The following CNTNAP2 variants were observed in gnomAD, a reference collection of about 807,000 sequenced individuals.
The protein encoded by CNTNAP2 is contactin-associated protein-like 2.
A neutral mutation model predicts 155.2 loss-of-function variants in CNTNAP2; 98 were observed. The observed-to-expected ratio is 0.63, with a 90% CI of 0.54 to 0.75. CNTNAP2 has a LOEUF of 0.75. CNTNAP2 is among the 30% of genes least tolerant of loss of function. The pLI is 0.00. For synonymous variants in CNTNAP2, 651 were observed against 631.2 expected (o/e 1.03, Z -0.47); for missense variants, 1,727 against 1,688.1 (o/e 1.02, Z -0.40).
At chr7:146,916,705 T>C (rs1465955469) in intron 3 of CNTNAP2, among the ~76,000 whole-genome samples, 1 of 152,284 alleles carries the variant, frequency 6.6e-6, no homozygotes, top group East Asian at 1.9e-4. Context: ...GGATCTTTTC[T>C]CTTCTTTTTT....
At chr7:146,402,486 G>T (rs1011692934) in intron 1 of CNTNAP2, among the ~76,000 whole-genome samples, 2 of 151,992 alleles carry the variant, frequency 1.3e-5, no homozygotes, top group African/African-American at 4.8e-5. Flanking sequence ...AAACCATAAG[G>T]ATAGCTTAAT....
At chr7:147,509,599 G>T (rs1798979544) in intron 11 of CNTNAP2, among the ~76,000 whole-genome samples, 1 of 151,928 alleles carries the variant, frequency 6.6e-6, no homozygotes, top group Non-Finnish European at 1.5e-5. Context: ...AAATTTTTTG[G>T]TATCACTGAG....
intron 1 of CNTNAP2, among the ~76,000 whole-genome samples, chr7:146,263,559 A>C (rs1446459169): frequency 2.6e-5 from 4 of 152,168 alleles, no homozygotes; most frequent in Admixed American, 1.3e-4. Context: ...TTGAAATGAT[A>C]ATTTGTAAAG....
intron 8 of CNTNAP2, among the ~76,000 whole-genome samples, chr7:147,176,796 TTATAA>T (rs1313640093): frequency 8.1e-5 from 10 of 123,938 alleles, no homozygotes; most frequent in Admixed American, 1.9e-4. Context: ...TAATTATATA[TTATAA>T]TATATAATAG....
At chr7:148,236,498 A>G (rs975956342) in intron 20 of CNTNAP2, among the ~76,000 whole-genome samples, 1 of 152,194 alleles carries the variant, frequency 6.6e-6, no homozygotes, top group Admixed American at 6.5e-5. Context: ...GCTCCATGAC[A>G]TGAGGAGCAA....
At chr7:146,959,425 A>T (rs545016568) in intron 3 of CNTNAP2, among the ~76,000 whole-genome samples, 10 of 151,824 alleles carry the variant, frequency 6.6e-5, no homozygotes, top group African/African-American at 9.7e-5. Context: ...TATTTTTTTT[A>T]AAAAAGAAAG....
intron 13 of CNTNAP2, among the ~76,000 whole-genome samples, chr7:147,820,882 T>C (rs1174629703): frequency 6.6e-6 from 1 of 152,176 alleles, no homozygotes; most frequent in East Asian, 1.9e-4. Context: ...CCTATGTTTA[T>C]GGCAGTGTTA....
chr7:146,833,289 TG>T (rs1803550830), intron 2 of CNTNAP2, among the ~76,000 whole-genome samples: 1 of 152,178 alleles, frequency 6.6e-6, no homozygotes, highest in Admixed American at 6.5e-5. Flanking sequence ...GTTGACTTCG[TG>T]GCATTGGATT....
chr7:146,778,321 G>C (rs574930065), intron 2 of CNTNAP2, among the ~76,000 whole-genome samples: 6 of 152,314 alleles, frequency 3.9e-5, no homozygotes, highest in African/African-American at 1.4e-4. Context: ...ATTGAATTTA[G>C]TTTATGGTTC....
intron 4 of CNTNAP2, among the ~76,000 whole-genome samples, chr7:147,052,665 T>C (rs1198297527): frequency 1.3e-5 from 2 of 152,032 alleles, no homozygotes; most frequent in African/African-American, 4.8e-5. Context: ...TCACACTTTT[T>C]TGAGGCTGCT....
intron 3 of CNTNAP2, among the ~76,000 whole-genome samples, chr7:146,998,337 T>C (rs1452999043): frequency 6.6e-6 from 1 of 152,076 alleles, no homozygotes; most frequent in Non-Finnish European, 1.5e-5. Flanking sequence ...TTGGGAATTT[T>C]CCAACGTTCC....
chr7:146,533,465 A>G (rs764816493), intron 1 of CNTNAP2, among the ~76,000 whole-genome samples: 66 of 152,206 alleles, frequency 4.3e-4, no homozygotes, highest in Non-Finnish European at 7.2e-4. Context: ...ACATTAGTCA[A>G]TATGTCCACT....
intron 3 of CNTNAP2, among the ~76,000 whole-genome samples, chr7:147,028,952 A>T (rs770766426): frequency 6.8e-6 from 1 of 147,610 alleles, no homozygotes. Context: ...GCAAAATAAG[A>T]TATGTTCTTT....
chr7:147,456,378 G>A (rs1439225066), intron 10 of CNTNAP2, among the ~76,000 whole-genome samples: 2 of 152,112 alleles, frequency 1.3e-5, no homozygotes, highest in Non-Finnish European at 2.9e-5. Flanking sequence ...TAGAAAGAGA[G>A]AATTTAAGAA....
chr7:147,281,571 A>C (rs1313265164), intron 8 of CNTNAP2, among the ~76,000 whole-genome samples: 4 of 151,764 alleles, frequency 2.6e-5, no homozygotes, highest in Non-Finnish European at 5.9e-5. Context: ...GAATATATTT[A>C]TTAAAAGACT....
At chr7:146,383,409 G>A (rs1297869245) in intron 1 of CNTNAP2, among the ~76,000 whole-genome samples, 2 of 152,070 alleles carry the variant, frequency 1.3e-5, no homozygotes, top group Non-Finnish European at 2.9e-5. Context: ...TGGGAGTCAG[G>A]TAGCTGGTTT....
chr7:147,814,713 A>G (rs759902453), intron 13 of CNTNAP2, among the ~76,000 whole-genome samples: 7 of 152,198 alleles, frequency 4.6e-5, no homozygotes, highest in Non-Finnish European at 1.0e-4. Context: ...TGACTTTCAA[A>G]CAAGAGGTAT....
chr7:147,768,070 A>G (rs1797410661), intron 13 of CNTNAP2, among the ~76,000 whole-genome samples: 1 of 152,122 alleles, frequency 6.6e-6, no homozygotes, highest in Non-Finnish European at 1.5e-5. Flanking sequence ...AGTCTTCCCT[A>G]AACAGTAGCA....
intron 3 of CNTNAP2, among the ~76,000 whole-genome samples, chr7:146,841,849 G>A (rs1803731195): frequency 6.6e-6 from 1 of 151,766 alleles, no homozygotes; most frequent in African/African-American, 2.4e-5. Flanking sequence ...AAGGAAAAAA[G>A]GCTAAGGAGG....
Sources: allele counts gnomAD v4.1 joint callset (sites outside exome capture counted in the v4.1 genomes callset), GRCh38; gene constraint gnomAD v4.1.1; transcripts MANE v1.5; gene names NCBI Gene and HGNC (gene_info 2026-07-23, HGNC 2026-07-21).